Variants in ITPR2 observed in about 807,000 individuals in gnomAD.
ITPR2 encodes the protein inositol 1,4,5-trisphosphate-gated calcium channel ITPR2.
A neutral mutation model predicts 317.1 loss-of-function variants in ITPR2; 207 were observed. The observed-to-expected ratio is 0.65, with a 90% CI of 0.58 to 0.73. The LOEUF is 0.73. ITPR2 is among the 30% of genes least tolerant of loss of function. The probability of loss-of-function intolerance (pLI) is 0.00; values close to 1 mark genes in which losing one functional copy is unlikely to be tolerated. For missense variants in ITPR2, 2,613 were observed against 3,284.0 expected, an observed-to-expected ratio of 0.80 and a Z score of 4.99; for synonymous variants, 1,156 against 1,149.1, an observed-to-expected ratio of 1.01 and a Z score of -0.12.
rs1948128554 is a variant in ITPR2, at chr12:26,686,519, A to T, written c.1110T>A (p.Asp370Glu). 1 of 1,610,274 alleles carries T rather than the reference A, an allele frequency of 6.2e-7. No individual in the cohort carries two copies. Among genetic ancestry groups the T allele is most frequent in the South Asian group, 1.1e-5 (1 of 90,482 alleles). ...GNDIASLFELDATTLQRADCL... is the reference protein window; with the variant it reads ...GNDIASLFELEATTLQRADCL... ...AGTCAGCTCTCTGAAGAGTTGTGGC[A>T]TCTAGTTCAAAAAGGGATGCAATGT... Residue 370 changes from aspartate (D) to glutamate (E), a missense_variant, in exon 11 of 57, where the codon GAT becomes GAA. Asp to Glu is a conservative substitution (Grantham distance 45). Transcript: ENST00000381340.
chr12:26,686,760 C>T, intron 10 of ITPR2, 128 bp from the exon 11 acceptor site: 2 of 779,792 alleles, frequency 2.6e-6, no homozygotes, highest in Admixed American at 5.2e-5. Flanking sequence ...TATTTCACAT[C>T]ATCCAGAAAC....
Position 26,716,144 on chromosome 12 carries a change from C to T in ITPR2, c.624G>A (p.Glu208=), listed in dbSNP as rs988097091. ...TCATTCCTTTTCCACTTGAACTTAC[C>T]TCTTTACACCCTGGGTTATCAAGAA... is the stretch of plus-strand genomic sequence containing the variant. The part of the protein sequence containing the change: ...IELLDNPGCK[E]VNAVNCNTSW... The change falls in exon 6 of 57, where the codon GAG becomes GAA. Residue 208 remains glutamate, a splice_region_variant and synonymous_variant. Coordinates refer to ENST00000381340, the MANE Select transcript of ITPR2 (RefSeq NM_002223.4). 41 of 1,602,206 alleles carry T rather than the reference C, an allele frequency of 2.6e-5. No homozygotes were observed. Among genetic ancestry groups the T allele is most frequent in the Non-Finnish European group, 3.5e-5 (41 of 1,169,948 alleles).
Position 26,681,933 on chromosome 12 carries a change from T to C in ITPR2, c.1350A>G (p.Lys450=), listed in dbSNP as rs772443610. Residue 450 remains lysine (K), a synonymous_variant, in exon 13 of 57, where the codon AAA becomes AAG. Coordinates refer to ENST00000381340, the MANE Select transcript of ITPR2 (RefSeq NM_002223.4). ...RDLDFANDAN[K]VLATTVKKLE... is the part of the protein sequence containing the mutation. ...GCTTTTTAACTGTGGTCGCTAGTAC[T>C]TTATTGGCATCATTGGCAAAGTCTA... 1.2e-6 allele frequency: 2 copies of C among 1,613,676 alleles called. No individual in the cohort carries two copies. The highest frequency in any genetic ancestry group is 2.7e-5 in the African/African-American group (2 of 75,046).
chr12:26,811,327 A>G (rs1950740554), intron 1 of ITPR2, among the ~76,000 whole-genome samples: 1 of 152,210 alleles, frequency 6.6e-6, no homozygotes, highest in African/African-American at 2.4e-5. Flanking sequence ...AAAGTATAGA[A>G]ACCTAGGGCC....
chr12:26,372,455 T>C (rs968087183), intron 55 of ITPR2, among the ~76,000 whole-genome samples: 1 of 152,316 alleles, frequency 6.6e-6, no homozygotes, highest in South Asian at 2.1e-4. Flanking sequence ...AATGTAGGGA[T>C]GTTTACGCAT....
intron 48 of ITPR2, among the ~76,000 whole-genome samples, chr12:26,429,268 G>A (rs1467983007): frequency 1.3e-5 from 2 of 152,210 alleles, no homozygotes; most frequent in Admixed American, 6.5e-5. Context: ...TGCAAGGTTT[G>A]TTCTTATCAT....
chr12:26,653,870 A>C, intron 21 of ITPR2, 106 bp downstream of exon 21: 2 of 835,526 alleles, frequency 2.4e-6, no homozygotes, highest in Non-Finnish European at 3.8e-6. Flanking sequence ...TCATATGCAC[A>C]CATATATTAG....
At chr12:26,695,792 T>A (rs1046174097) in intron 9 of ITPR2, 142 bp from the exon 10 acceptor site, 1 of 624,334 alleles carries the variant, frequency 1.6e-6, no homozygotes, top group Non-Finnish European at 2.8e-6. Flanking sequence ...TTAGTAAATA[T>A]GACAATTTAA....
chr12:26,585,883 T>A (rs1289528373), intron 32 of ITPR2, among the ~76,000 whole-genome samples: 2 of 152,238 alleles, frequency 1.3e-5, no homozygotes, highest in Admixed American at 1.3e-4. Flanking sequence ...TTTAATATTA[T>A]CTTTCCAAGC....
chr12:26,474,464 A>T (rs1374579845), intron 45 of ITPR2, among the ~76,000 whole-genome samples: 3 of 152,214 alleles, frequency 2.0e-5, no homozygotes, highest in Non-Finnish European at 4.4e-5. Flanking sequence ...CTCATCAGGC[A>T]CCTGTTTAAG....
In ITPR2 at chr12:26,523,976, C is replaced by T. The variant is rs114040159; in HGVS notation, c.5073+26271G>A. 5.8e-3 allele frequency among the ~76,000 whole-genome samples: 879 copies of T among 152,278 alleles called. 11 individuals are homozygous for T. The highest frequency in any genetic ancestry group is 0.02 in the African/African-American group (835 of 41,568). On this transcript the variant is annotated intron_variant, in intron 37 of 56. Transcript: ENST00000381340. ...TCATGCCCCGCAGCTTTAATCTGCA[C>T]GGAGTGTGCACATGTACTGTCACAT...
chr12:26,377,244 A>T (rs918638236), intron 55 of ITPR2, among the ~76,000 whole-genome samples: 1 of 151,926 alleles, frequency 6.6e-6, no homozygotes, highest in Non-Finnish European at 1.5e-5. Flanking sequence ...GCTCTGGCAG[A>T]CTCCACTGCT....
At chr12:26,494,056 G>A (rs1434681624) in intron 39 of ITPR2, 97 bp downstream of exon 39, 3 of 881,264 alleles carry the variant, frequency 3.4e-6, no homozygotes, top group Non-Finnish European at 5.0e-6. Flanking sequence ...ATAGTAATAA[G>A]AGCTAAAAGA....
At chr12:26,406,120 G>A (rs1277860125) in intron 52 of ITPR2, among the ~76,000 whole-genome samples, 1 of 151,826 alleles carries the variant, frequency 6.6e-6, no homozygotes, top group Non-Finnish European at 1.5e-5. Context: ...AAATTTTAAC[G>A]AGAAAAAAAA....
chr12:26,426,182 A>C (rs1403336297), intron 49 of ITPR2, among the ~76,000 whole-genome samples: 1 of 151,902 alleles, frequency 6.6e-6, no homozygotes. Flanking sequence ...ACTTTGTCAG[A>C]CTTGGATTTT....
chr12:26,585,133 C>T (rs1402439826), intron 32 of ITPR2, among the ~76,000 whole-genome samples: 1 of 152,038 alleles, frequency 6.6e-6, no homozygotes, highest in African/African-American at 2.4e-5. Context: ...ATGAAAATTA[C>T]TTATAATCCT....
intron 2 of ITPR2, among the ~76,000 whole-genome samples, chr12:26,730,377 G>T (rs1051168951): frequency 6.6e-6 from 1 of 152,082 alleles, no homozygotes; most frequent in African/African-American, 2.4e-5. Context: ...ATCTGTAGAG[G>T]TGTAATACTG....
chr12:26,687,852 G>C (rs1948159534), intron 10 of ITPR2, among the ~76,000 whole-genome samples: 1 of 152,072 alleles, frequency 6.6e-6, no homozygotes, highest in South Asian at 2.1e-4. Flanking sequence ...AAAATTCAGA[G>C]TTAAATGAAA....
chr12:26,424,586 GTTTTTTTTTT>G (rs775756580), intron 49 of ITPR2, among the ~76,000 whole-genome samples: 2 of 88,708 alleles, frequency 2.3e-5, no homozygotes, highest in African/African-American at 4.6e-5. Flanking sequence ...TTCGTTTTGT[GTTTTTTTTTT>G]TTTTTTTTTT....
Sources: allele counts gnomAD v4.1 joint callset (sites outside exome capture counted in the v4.1 genomes callset), GRCh38; gene constraint gnomAD v4.1.1; transcripts MANE v1.5; gene names NCBI Gene and HGNC (gene_info 2026-07-23, HGNC 2026-07-21).